Variants in JAKMIP3 observed in about 807,000 individuals in gnomAD.
JAKMIP3 encodes janus kinase and microtubule-interacting protein 3.
JAKMIP3 carries 58 observed loss-of-function variants against 118.5 expected under a neutral mutation model. That is an observed-to-expected ratio of 0.49 (90% CI 0.40 to 0.61). The LOEUF is 0.61. Ranked by LOEUF, JAKMIP3 falls within the 20% of genes least tolerant of loss-of-function variation. The pLI, the probability that JAKMIP3 is intolerant of heterozygous loss-of-function variation, is 0.00. For synonymous variants in JAKMIP3, 486 were observed against 451.2 expected, an observed-to-expected ratio of 1.08 and a Z score of -0.98; for missense variants, 950 against 1,109.0, an observed-to-expected ratio of 0.86 and a Z score of 2.04.
intron 23 of JAKMIP3, among the ~76,000 whole-genome samples, chr10:132,172,592 G>A (rs950210417): frequency 3.2e-4 from 49 of 151,884 alleles, no homozygotes; most frequent in East Asian, 2.5e-3. Flanking sequence ...CTTATGTATC[G>A]CACTGTATGC....
At chr10:132,093,951 TTGA>T (rs2043474163) in intron 1 of JAKMIP3, among the ~76,000 whole-genome samples, 1 of 119,210 alleles carries the variant, frequency 8.4e-6, no homozygotes, top group African/African-American at 3.2e-5. Context: ...TTTTTTTTTT[TTGA>T]GATGGAGTCT....
chr10:132,109,093 C>CATATATATATATATACACACACAT (rs199571463), intron 2 of JAKMIP3, among the ~76,000 whole-genome samples: 3 of 138,846 alleles, frequency 2.2e-5, no homozygotes, highest in East Asian at 2.1e-4. Flanking sequence ...TATACACACA[C>CATATATATATATATACACACACAT]ATATATATAT....
upstream of JAKMIP3, among the ~76,000 whole-genome samples, chr10:132,061,374 G>A (rs77704771): frequency 4.4e-3 from 664 of 152,260 alleles, 5 homozygotes; most frequent in African/African-American, 0.015. Context: ...ATATAATTTC[G>A]TTGAAGACAT....
At chr10:132,058,036 T>A (rs964463671) in intron 1 of JAKMIP3, among the ~76,000 whole-genome samples, 2 of 152,228 alleles carry the variant, frequency 1.3e-5, no homozygotes, top group African/African-American at 2.4e-5. Flanking sequence ...GTCCAAGTGC[T>A]GCCTGCCACA....
intron 1 of JAKMIP3, among the ~76,000 whole-genome samples, chr10:132,094,167 C>G (rs2043522043): frequency 6.6e-6 from 1 of 151,976 alleles, no homozygotes; most frequent in South Asian, 2.1e-4. Flanking sequence ...TGACTTGTAT[C>G]ACTTTTTTTT....
In JAKMIP3 at chr10:132,180,652, CGTGT is replaced by C. The variant is rs1214705992; in HGVS notation, c.*1104-1703_*1104-1700del. ...GTGTGTGCGTGCGTGTGTGCGTGTG[CGTGT>C]GCGTGTGTGCGTGTGTGTGCGCGCG... On this transcript the variant is annotated intron_variant, in intron 23 of 23. Coordinates refer to ENST00000684848, the MANE Select transcript of JAKMIP3 (RefSeq NM_001323087.2). Among the ~76,000 whole-genome samples the C allele has an allele frequency of 5.0e-3, 43 of 8,672 alleles. 7 individuals are homozygous for C. Among genetic ancestry groups the C allele is most frequent in the East Asian group, 0.025 (6 of 240 alleles). 5.7% of individuals were successfully genotyped at this position (8,672 alleles called of 152,430 possible). A position where few individuals can be genotyped will look rare whatever the true frequency, so the allele number is the denominator to read the frequency against.
In JAKMIP3 at chr10:132,114,447, A is replaced by T. The variant is rs536476869; in HGVS notation, c.136-2630A>T. 9.1e-4 allele frequency among the ~76,000 whole-genome samples: 138 copies of T among 151,440 alleles called. 5 individuals are homozygous for T. The South Asian group carries it at 0.028, about 31-fold the overall frequency. On this transcript the variant is annotated intron_variant, in intron 2 of 23. Transcript: ENST00000684848. ...ACTGTGTTGCCCAGGCTGGTCTTGA[A>T]CTCCTCAAGCCATCCTCCTGCCTCT...
At position 132,105,165 on chromosome 10, in the gene JAKMIP3, G is replaced by A. The variant is rs951104007; in HGVS notation, c.135+222G>A. 8.5e-5 allele frequency among the ~76,000 whole-genome samples: 13 copies of A among 152,326 alleles called. No individual in the cohort carries two copies. In the East Asian group the frequency reaches 2.5e-3, roughly 29 times the overall value. The stretch of plus-strand genomic sequence containing the variant: ...TGCCGTGGTGGTGACCGCAAACCAC[G>A]CTGAGCTCACAGAAATTATCCTCTG... On this transcript the variant is annotated intron_variant, in intron 2 of 23. Transcript: ENST00000684848.
rs58374693 is a variant in JAKMIP3, at chr10:132,042,184, C to CTCCT, written c.-138+5477_-138+5480dup. 7.7e-3 allele frequency among the ~76,000 whole-genome samples: 1,024 copies of CTCCT among 132,178 alleles called. 4 individuals carry two copies. The highest frequency in any genetic ancestry group is 0.016 in the African/African-American group (544 of 33,608). The allele number at this position is 132,178 out of a possible 152,430, so 86.7% of individuals were successfully genotyped here. A position where few individuals can be genotyped will look rare whatever the true frequency, so the allele number is the denominator to read the frequency against. Reference sequence around the variant, plus strand: ...CCCCGCTAGTTCACTTGCTCGCTCGCTCCTTCCTTCCTTCCTTCCTTCCTT... The same window carrying CTCCT: ...CCCCGCTAGTTCACTTGCTCGCTCGCTCCTTCCTTCCTTCCTTCCTTCCTTCCTT... On this transcript the variant is annotated intron_variant, in intron 1 of 23. Transcript: ENST00000657785.
chr10:132,048,667 CTT>C (rs35729418), intron 1 of JAKMIP3, among the ~76,000 whole-genome samples: 3 of 129,750 alleles, frequency 2.3e-5, no homozygotes, highest in Non-Finnish European at 3.2e-5. Flanking sequence ...TGTTTCTTTT[CTT>C]TTTTTTTTTT....
At chr10:132,146,586 G>A (rs547616366) in intron 13 of JAKMIP3, among the ~76,000 whole-genome samples, 8 of 152,318 alleles carry the variant, frequency 5.3e-5, no homozygotes, top group Admixed American at 1.3e-4. Context: ...AGGAGGCAGC[G>A]ATGTCTCACG....
In JAKMIP3 at chr10:132,163,399, A is replaced by C; in HGVS notation, c.2411A>C (p.Gln804Pro). The C allele has an allele frequency of 6.2e-7, 1 of 1,600,112 alleles. No homozygotes were observed. Among genetic ancestry groups the C allele is most frequent in the Non-Finnish European group, 8.5e-7 (1 of 1,178,130 alleles). ...QILRERMELL[Q>P]LAQQRIKELE... is the part of the protein sequence containing the mutation. ...CTGCGGGAGCGCATGGAGCTGCTGCAGCTGGCTCAGCAGGTGTGTGGCAGG... is the reference window on the plus strand; with the variant it reads ...CTGCGGGAGCGCATGGAGCTGCTGCCGCTGGCTCAGCAGGTGTGTGGCAGG... The change falls in exon 20 of 24, where the codon CAG becomes CCG. Residue 804 changes from glutamine to proline, a missense_variant. Gln to Pro is a moderately conservative substitution (Grantham distance 76). Transcript: ENST00000684848.
At chr10:132,059,673 G>T (rs1164827103) in intron 1 of JAKMIP3, among the ~76,000 whole-genome samples, 3 of 152,238 alleles carry the variant, frequency 2.0e-5, no homozygotes, top group Admixed American at 6.5e-5. Flanking sequence ...GGCGCTTAGT[G>T]GGGTGGTTGT....
At chr10:132,056,969 T>G (rs138439839) in intron 1 of JAKMIP3, among the ~76,000 whole-genome samples, 2,871 of 152,224 alleles carry the variant, frequency 0.019, 79 homozygotes, top group South Asian at 0.13. Context: ...GGGTCCGGAT[T>G]CTACCCTGGG....
At chr10:132,123,637 C>T (rs1286170104) in intron 3 of JAKMIP3, among the ~76,000 whole-genome samples, 2 of 152,168 alleles carry the variant, frequency 1.3e-5, no homozygotes, top group Non-Finnish European at 2.9e-5. Context: ...TTGTGCCAGG[C>T]CCTTGCTCTC....
chr10:132,177,900 TG>T (rs2060328819), intron 23 of JAKMIP3, among the ~76,000 whole-genome samples: 1 of 150,290 alleles, frequency 6.7e-6, no homozygotes, highest in African/African-American at 2.4e-5. Context: ...TGCGTGTGTG[TG>T]CACACTGTGC....
At chr10:132,067,583 T>TGACTGTGGACTTCCGTGTG (rs1477200969) in intron 1 of JAKMIP3, among the ~76,000 whole-genome samples, 3 of 151,848 alleles carry the variant, frequency 2.0e-5, no homozygotes, top group African/African-American at 7.3e-5. Flanking sequence ...AGGTTGATCT[T>TGACTGTGGACTTCCGTGTG]GACTGTGGAC....
chr10:132,153,144 T>C (rs892639728), intron 17 of JAKMIP3, 121 bp downstream of exon 17: 2 of 742,532 alleles, frequency 2.7e-6, no homozygotes, highest in Non-Finnish European at 4.7e-6. Context: ...GGGGGTCCAC[T>C]AAGCCCCGTC....
rs562623348 is a variant in JAKMIP3 at position 132,134,818 on chromosome 10, G to A, written c.850-223G>A. On this transcript the variant is annotated intron_variant, in intron 4 of 23. Transcript: ENST00000684848. ...TTAAAATAGTTGTGTGTGAGGTAGGGTCTCGCTCTGCCCGTCGGTTCTGTT... is the reference window on the plus strand; with the variant it reads ...TTAAAATAGTTGTGTGTGAGGTAGGATCTCGCTCTGCCCGTCGGTTCTGTT... Among the ~76,000 whole-genome samples the A allele has an allele frequency of 3.4e-4, 52 of 152,356 alleles. 3 individuals carry two copies. The South Asian group carries it at 0.011, about 31-fold the overall frequency.
Sources: allele counts gnomAD v4.1 joint callset (sites outside exome capture counted in the v4.1 genomes callset), GRCh38; gene constraint gnomAD v4.1.1; transcripts MANE v1.5; gene names NCBI Gene and HGNC (gene_info 2026-07-23, HGNC 2026-07-21).